RAB6A: variants seen among roughly 807,000 people sequenced by gnomAD.
RAB6A encodes RAB6A, member RAS oncogene family.
A neutral mutation model predicts 32.3 loss-of-function variants in RAB6A; 8 were observed. That is an observed-to-expected ratio of 0.25 (90% CI 0.15 to 0.45). The LOEUF (loss-of-function observed/expected upper bound fraction) is 0.45. RAB6A is among the 20% of genes least tolerant of loss of function. The pLI, the probability that RAB6A is intolerant of heterozygous loss-of-function variation, is 1.00. For synonymous variants in RAB6A, 73 were observed against 82.1 expected, an observed-to-expected ratio of 0.89 and a Z score of 0.60; for missense variants, 104 against 249.4, an observed-to-expected ratio of 0.42 and a Z score of 3.93.
chr11:73,704,301 T>G, intron 6 of RAB6A: 1 of 311,846 alleles, frequency 3.2e-6, no homozygotes, highest in Admixed American at 3.3e-5. Flanking sequence ...GAGAATCACT[T>G]GAGCCTGAGA....
At chr11:73,707,341 GAA>G in intron 6 of RAB6A, 77 bp downstream of exon 6, 1 of 1,023,420 alleles carries the variant, frequency 9.8e-7, no homozygotes, top group Non-Finnish European at 1.5e-6. Flanking sequence ...CAGGTGGAAG[GAA>G]ACCTATACAC....
Position 73,717,193 on chromosome 11 carries a change from A to G in RAB6A, c.290-831T>C, listed in dbSNP as rs1030494272. On this transcript the variant is annotated intron_variant, in intron 4 of 7. Coordinates refer to ENST00000336083, the MANE Select transcript of RAB6A (RefSeq NM_198896.2). ...ATCTCAAAAAAAGTCCTTGAATGCA[A>G]TCTTCTAATTTTGCCAGCACAATTA... Among the ~76,000 whole-genome samples, 3 of 152,310 alleles carry G rather than the reference A, an allele frequency of 2.0e-5. No individual in the cohort carries two copies. In the East Asian group the frequency reaches 5.8e-4, roughly 29 times the overall value.
intron 1 of RAB6A, among the ~76,000 whole-genome samples, chr11:73,742,734 C>T (rs1158835320): frequency 1.3e-5 from 2 of 151,876 alleles, no homozygotes. Flanking sequence ...CGCTTGAACT[C>T]GGGAGATGGA....
In RAB6A at chr11:73,747,038, C is replaced by T. The variant is rs185332382; in HGVS notation, c.70+13528G>A. ...GCAACCTCCACCTCCCGGGTTCAAG[C>T]GTTTCGGCCTCCCAAAGTGCTGGGA... On this transcript the variant is annotated intron_variant, in intron 1 of 7. Coordinates refer to ENST00000336083, the MANE Select transcript of RAB6A (RefSeq NM_198896.2). Among the ~76,000 whole-genome samples, 28 of 152,022 alleles carry T rather than the reference C, an allele frequency of 1.8e-4. 1 individual carries two copies. The East Asian group carries it at 4.8e-3, about 26-fold the overall frequency.
intron 1 of RAB6A, among the ~76,000 whole-genome samples, chr11:73,739,284 A>AAAAATATATAT (rs1208877325): frequency 5.9e-4 from 4 of 6,756 alleles, no homozygotes; most frequent in Non-Finnish European, 6.8e-4. Context: ...AAAAAAAAAA[A>AAAAATATATAT]ATATATATAT....
intron 6 of RAB6A, among the ~76,000 whole-genome samples, chr11:73,689,725 A>G (rs1379213181): frequency 6.6e-6 from 1 of 152,112 alleles, no homozygotes; most frequent in East Asian, 1.9e-4. Flanking sequence ...TGTCTATGTC[A>G]TATGTACGGA....
chr11:73,744,511 C>CAAAAAAA (rs555388622), intron 1 of RAB6A, among the ~76,000 whole-genome samples: 14 of 63,774 alleles, frequency 2.2e-4, no homozygotes, highest in African/African-American at 1.0e-3. Flanking sequence ...ACCCTGTCTC[C>CAAAAAAA]AAAAAAAAAA....
intron 1 of RAB6A, among the ~76,000 whole-genome samples, chr11:73,745,655 ACCC>A (rs1946576598): frequency 6.6e-6 from 1 of 151,856 alleles, no homozygotes; most frequent in African/African-American, 2.4e-5. Flanking sequence ...ACATGGTGAA[ACCC>A]TGTCTCTACT....
chr11:73,734,640 C>G (rs1946365794), intron 1 of RAB6A, among the ~76,000 whole-genome samples: 1 of 152,150 alleles, frequency 6.6e-6, no homozygotes, highest in African/African-American at 2.4e-5. Context: ...GAGCATGCAA[C>G]CTAGATCCCT....
chr11:73,753,555 C>G (rs572551755), intron 1 of RAB6A, among the ~76,000 whole-genome samples: 2 of 150,152 alleles, frequency 1.3e-5, no homozygotes, highest in Non-Finnish European at 3.0e-5. Flanking sequence ...ACTAAAAGTA[C>G]AAAAAATTAG....
chr11:73,719,310 T>C (rs1384665309), intron 3 of RAB6A, among the ~76,000 whole-genome samples: 1 of 152,240 alleles, frequency 6.6e-6, no homozygotes, highest in Non-Finnish European at 1.5e-5. Context: ...AAGGAATTAA[T>C]GCTTCTTTGA....
Position 73,692,523 on chromosome 11 carries a change from A to AG in RAB6A, c.496-12804dup, listed in dbSNP as rs1230435921. Among the ~76,000 whole-genome samples the AG allele has an allele frequency of 7.5e-5, 11 of 147,302 alleles. No homozygotes were observed. The South Asian group carries it at 2.4e-3, about 32-fold the overall frequency. On this transcript the variant is annotated intron_variant, in intron 6 of 7. Coordinates refer to ENST00000336083, the MANE Select transcript of RAB6A (RefSeq NM_198896.2). ...GTCTCAAAAAAAAAAAAAAAAAAAA[A>AG]GGAAAGAAAAAGGAAATCAATTTAT...
At chr11:73,746,647 G>A (rs1946592509) in intron 1 of RAB6A, among the ~76,000 whole-genome samples, 1 of 151,978 alleles carries the variant, frequency 6.6e-6, no homozygotes, top group South Asian at 2.1e-4. Context: ...GTACACACCT[G>A]TATTCCCAGC....
At chr11:73,739,967 G>A (rs1946468131) in intron 1 of RAB6A, among the ~76,000 whole-genome samples, 1 of 151,804 alleles carries the variant, frequency 6.6e-6, no homozygotes, top group Admixed American at 6.6e-5. Flanking sequence ...ACTGAGGCAG[G>A]AGAATCGCTT....
chr11:73,704,286 G>A (rs1159108979), intron 6 of RAB6A: 3 of 323,352 alleles, frequency 9.3e-6, no homozygotes, highest in Admixed American at 3.2e-5. Flanking sequence ...TGGAGGCTGA[G>A]GTGGGAGAAT....
At chr11:73,757,096 TAC>T (rs1489010259) in intron 1 of RAB6A, among the ~76,000 whole-genome samples, 3 of 79,416 alleles carry the variant, frequency 3.8e-5, no homozygotes, top group African/African-American at 1.0e-4. Flanking sequence ...TAAATATACA[TAC>T]ATATATATAT....
At chr11:73,742,357 C>T (rs1333365804) in intron 1 of RAB6A, among the ~76,000 whole-genome samples, 6 of 152,198 alleles carry the variant, frequency 3.9e-5, no homozygotes, top group Non-Finnish European at 5.9e-5. Flanking sequence ...AGCCTTGTCT[C>T]AAACTCCTGG....
At chr11:73,749,449 C>T (rs1256559017) in intron 1 of RAB6A, among the ~76,000 whole-genome samples, 1 of 152,130 alleles carries the variant, frequency 6.6e-6, no homozygotes, top group Non-Finnish European at 1.5e-5. Context: ...TCATAAATCA[C>T]CACTAAAGAA....
intron 1 of RAB6A, among the ~76,000 whole-genome samples, chr11:73,747,728 T>C (rs1946613412): frequency 6.6e-6 from 1 of 152,216 alleles, no homozygotes; most frequent in Non-Finnish European, 1.5e-5. Context: ...CATTTTCCCT[T>C]GTTTTCATGA....
Sources: gnomAD v4.1 joint callset for allele counts (sites outside exome capture counted in the v4.1 genomes callset) on GRCh38, gnomAD v4.1.1 for gene constraint, MANE v1.5 for transcripts, NCBI Gene and HGNC (gene_info 2026-07-23, HGNC 2026-07-21) for gene names.